Variants in LRRC27 observed in about 807,000 individuals in gnomAD.
The protein encoded by LRRC27 is leucine rich repeat containing 27.
Under a neutral mutation model 55.0 loss-of-function variants are expected in LRRC27, and 57 were observed. That is an observed-to-expected ratio of 1.04 (90% confidence interval 0.84 to 1.29). The LOEUF is 1.29. LRRC27 is among the 50% of genes most tolerant of loss of function. The pLI is 0.00. For synonymous variants in LRRC27, 278 were observed against 251.9 expected (o/e 1.10, Z -0.98); for missense variants, 721 against 651.5 (o/e 1.11, Z -1.16).
chr10:132,374,408 C>A lies in LRRC27; in HGVS notation c.1417-658C>A, dbSNP rs576362276. On this transcript the variant is annotated intron_variant, in intron 10 of 10. Transcript: ENST00000368614. The surrounding 1 kb of genome is among the most constrained non-coding windows in gnomAD (Gnocchi z 4.4). ...CTGCAGAGGGCCTGAGGGGCAGGAA[C>A]GGGAAGATCCCCTCCTCAGTTTATC... is the stretch of plus-strand genomic sequence containing the variant. Among the ~76,000 whole-genome samples the A allele has an allele frequency of 6.6e-6, 1 of 152,072 alleles. No individual in the cohort carries two copies. The highest frequency in any genetic ancestry group is 6.5e-5 in the Admixed American group (1 of 15,288).
chr10:132,355,428 G>A (rs751442000), intron 7 of LRRC27, among the ~76,000 whole-genome samples: 5 of 152,152 alleles, frequency 3.3e-5, no homozygotes, highest in African/African-American at 9.7e-5. Context: ...ACAAGTGCCC[G>A]CAGCCAGGCA....
At chr10:132,369,877 G>C (rs1328159373) in intron 10 of LRRC27, among the ~76,000 whole-genome samples, 2 of 152,166 alleles carry the variant, frequency 1.3e-5, no homozygotes, top group African/African-American at 4.8e-5. Context: ...CCCCGCCCTG[G>C]TTACATGCAG....
At chr10:132,334,167 A>G (rs1313351219) in intron 2 of LRRC27, among the ~76,000 whole-genome samples, 2 of 152,246 alleles carry the variant, frequency 1.3e-5, no homozygotes, top group African/African-American at 4.8e-5. Context: ...AGTCCGCAGT[A>G]GATGCTGTCT....
At chr10:132,344,476 G>GTT in intron 4 of LRRC27, 22 bp from the exon 5 acceptor site, 2 of 1,570,544 alleles carry the variant, frequency 1.3e-6, no homozygotes, top group South Asian at 1.1e-5. Flanking sequence ...AATGCTGACA[G>GTT]TTTTTTTTTC....
intron 7 of LRRC27, chr10:132,353,500 G>A: frequency 1.2e-6 from 1 of 824,736 alleles, no homozygotes; most frequent in Non-Finnish European, 1.5e-6. Flanking sequence ...TGTCCAGAGA[G>A]ACATTGTAGT....
chr10:132,352,771 A>C (rs1462342916), intron 7 of LRRC27: 8 of 1,209,102 alleles, frequency 6.6e-6, no homozygotes, highest in Non-Finnish European at 9.5e-6. Context: ...CCTGTGGGAC[A>C]GGCCGGTTGC....
intron 3 of LRRC27, among the ~76,000 whole-genome samples, chr10:132,341,420 C>A (rs904029236): frequency 6.6e-6 from 1 of 152,072 alleles, no homozygotes; most frequent in Non-Finnish European, 1.5e-5. Context: ...ATGTGAAAAC[C>A]AAGAAGCATA....
At chr10:132,337,071 A>AC in intron 2 of LRRC27, 1 of 1,290,950 alleles carries the variant, frequency 7.7e-7, no homozygotes, top group South Asian at 1.8e-5. Flanking sequence ...ATCGTAGAGA[A>AC]CACCACGGCA....
intron 3 of LRRC27, among the ~76,000 whole-genome samples, chr10:132,338,946 G>A (rs2497642): frequency 0.38 from 58,152 of 151,988 alleles, 11,368 homozygotes; most frequent in African/African-American, 0.42. Flanking sequence ...CTGACCTCAA[G>A]TGATCTGCCT....
At chr10:132,336,970 T>C in intron 2 of LRRC27, 1 of 685,514 alleles carries the variant, frequency 1.5e-6, no homozygotes, top group South Asian at 2.3e-5. Context: ...ATCTTCCACC[T>C]TCCCTTATTT....
intron 9 of LRRC27, among the ~76,000 whole-genome samples, chr10:132,362,288 A>C (rs1233854015): frequency 6.6e-6 from 1 of 152,190 alleles, no homozygotes; most frequent in East Asian, 1.9e-4. Flanking sequence ...AGGATCCTGG[A>C]GTTCAGGAGA....
Position 132,378,459 on chromosome 10 carries a change from G to A in LRRC27, c.*3217G>A, listed in dbSNP as rs1399099794. On this transcript the variant is annotated 3_prime_UTR_variant, in exon 11 of 11. Coordinates refer to ENST00000368614, the MANE Select transcript of LRRC27 (RefSeq NM_030626.3). ...CTTCTCCCTGAGACTTCAGTTTTGT[G>A]TGTGTGTGCACATGTGTGTATGCAT... 1 of 150,638 alleles carries A rather than the reference G, an allele frequency of 6.6e-6. No homozygotes were observed. The highest frequency in any genetic ancestry group is 1.5e-5 in the Non-Finnish European group (1 of 67,828). The allele number at this position is 150,638 out of a possible 1,614,324, so 9.3% of individuals were successfully genotyped here.
Position 132,348,057 on chromosome 10 carries a change from G to T in LRRC27, c.627G>T (p.Ala209=), listed in dbSNP as rs758352841. The T allele has an allele frequency of 6.2e-7, 1 of 1,613,986 alleles. No individual in the cohort carries two copies. Among genetic ancestry groups the T allele is most frequent in the African/African-American group, 1.3e-5 (1 of 75,042 alleles). ...SPGLELSGDH[A]SNQGAVNAQD... Reference sequence around the variant, plus strand: ...GACTGGAGTTGTCTGGAGACCACGCGTCTAACCAAGGAGCTGTGAACGCTC... The same window carrying T: ...GACTGGAGTTGTCTGGAGACCACGCTTCTAACCAAGGAGCTGTGAACGCTC... The change falls in exon 6 of 11, where the codon GCG becomes GCT. Residue 209 remains alanine (A), a synonymous_variant. Coordinates refer to ENST00000368614, the MANE Select transcript of LRRC27 (RefSeq NM_030626.3). This position sits in a 1 kb window ranked among gnomAD's most constrained non-coding sequence, Gnocchi z 4.2.
intron 10 of LRRC27, 29 bp from the exon 11 acceptor site, chr10:132,375,037 A>G (rs775955474): frequency 8.6e-5 from 137 of 1,590,418 alleles, no homozygotes; most frequent in Middle Eastern, 2.1e-4. Context: ...CAGCCTTTCT[A>G]ACATCTCCCC....
At chr10:132,334,316 C>T (rs1564817772) in intron 2 of LRRC27, among the ~76,000 whole-genome samples, 1 of 152,126 alleles carries the variant, frequency 6.6e-6, no homozygotes, top group Non-Finnish European at 1.5e-5. Flanking sequence ...TCTGGAATGT[C>T]GGAATGATCA....
At chr10:132,368,413 C>T (rs2069144700) in intron 10 of LRRC27, among the ~76,000 whole-genome samples, 1 of 152,106 alleles carries the variant, frequency 6.6e-6, no homozygotes. Flanking sequence ...GACTGACACC[C>T]CCCAACTTGA....
intron 8 of LRRC27, among the ~76,000 whole-genome samples, chr10:132,356,104 A>C (rs796996418): frequency 4.1e-4 from 63 of 152,220 alleles, no homozygotes; most frequent in African/African-American, 1.5e-3. Context: ...AGCATCCAGA[A>C]CCATTGCTCA....
In LRRC27 at chr10:132,375,299, T is replaced by TC; in HGVS notation, c.*60dup. 6.6e-7 allele frequency: 1 copy of TC among 1,524,272 alleles called. No homozygotes were observed. The highest frequency in any genetic ancestry group is 2.3e-5 in the East Asian group (1 of 44,000). 94.4% of individuals were successfully genotyped at this position (1,524,272 alleles called of 1,614,324 possible). ...CAGACAGGAGCCGCTCAGTCTTCTT[T>TC]CCCGGGCGTCGCCTCCTGTGTGGTG... On this transcript the variant is annotated 3_prime_UTR_variant, in exon 11 of 11. Coordinates refer to ENST00000368614, the MANE Select transcript of LRRC27 (RefSeq NM_030626.3).
chr10:132,371,185 G>T (rs1372835511), intron 10 of LRRC27, among the ~76,000 whole-genome samples: 1 of 152,258 alleles, frequency 6.6e-6, no homozygotes, highest in African/African-American at 2.4e-5. Flanking sequence ...CGCATGGCGT[G>T]GCGCTGGCAA....
Sources: gnomAD v4.1 joint callset for allele counts (sites outside exome capture counted in the v4.1 genomes callset) on GRCh38, gnomAD v4.1.1 for gene constraint, Gnocchi (gnomAD v3.1) non-coding constraint, MANE v1.5 for transcripts, NCBI Gene and HGNC (gene_info 2026-07-23, HGNC 2026-07-21) for gene names.